ZNF749: variants seen among roughly 807,000 people sequenced by gnomAD.
ZNF749 encodes the protein zinc finger protein 749.
ZNF749 carries 8 observed loss-of-function variants against 7.3 expected under a neutral mutation model. That is an observed-to-expected ratio of 1.10 (90% CI 0.64 to 1.98). The LOEUF (loss-of-function observed/expected upper bound fraction) is 1.98, where lower values mean the gene tolerates loss of function less well. Ranked by LOEUF, ZNF749 falls within the 30% of genes most tolerant of loss-of-function variation. ZNF749 has a pLI of 0.00. For missense variants in ZNF749, 898 were observed against 932.4 expected (o/e 0.96, Z 0.48); for synonymous variants, 310 against 322.4 (o/e 0.96, Z 0.41).
At chr19:57,438,408 C>T in intron 1 of ZNF749, 2 of 263,722 alleles carry the variant, frequency 7.6e-6, no homozygotes, top group Non-Finnish European at 7.0e-6. Flanking sequence ...TGCCTTTGCT[C>T]ACTAGAAGCA....
In ZNF749 at chr19:57,444,162, C is replaced by T. The variant is rs756487522; in HGVS notation, c.1014C>T (p.Asn338=). The change falls in exon 3 of 3, where the codon AAC becomes AAT. Residue 338 remains asparagine, a synonymous_variant. Coordinates refer to ENST00000334181, the MANE Select transcript of ZNF749 (RefSeq NM_001023561.4). Reference sequence around the variant, plus strand: ...AGTGTGGGAAGTTTTTTATGTATAACTCCAAACTCATCAGACATCAGAAAG... The same window carrying T: ...AGTGTGGGAAGTTTTTTATGTATAATTCCAAACTCATCAGACATCAGAAAG... ...CNKCGKFFMY[N]SKLIRHQKVH... is the part of the protein sequence containing the mutation. 5 of 1,613,774 alleles carry T rather than the reference C, an allele frequency of 3.1e-6. No individual in the cohort carries two copies. The highest frequency in any genetic ancestry group is 1.7e-5 in the Admixed American group (1 of 59,980).
At chr19:57,435,882 C>T (rs1161211602) in intron 1 of ZNF749, among the ~76,000 whole-genome samples, 1 of 152,140 alleles carries the variant, frequency 6.6e-6, no homozygotes, top group Non-Finnish European at 1.5e-5. Flanking sequence ...GCAGTGGAGC[C>T]GCAGAGAGCC....
intron 1 of ZNF749, among the ~76,000 whole-genome samples, chr19:57,438,675 C>T (rs919394087): frequency 6.6e-6 from 1 of 152,110 alleles, no homozygotes; most frequent in African/African-American, 2.4e-5. Context: ...TACCCCAGGC[C>T]CCCACCACTT....
upstream of ZNF749, among the ~76,000 whole-genome samples, chr19:57,432,431 A>C (rs938160999): frequency 6.6e-6 from 1 of 151,428 alleles, no homozygotes; most frequent in Non-Finnish European, 1.5e-5. Context: ...GTGTGGTGGC[A>C]CGAGCCTGTA....
At chr19:57,433,535 T>C (rs1046842145), upstream of ZNF749, among the ~76,000 whole-genome samples, 1 of 152,242 alleles carries the variant, frequency 6.6e-6, no homozygotes, top group Non-Finnish European at 1.5e-5. Flanking sequence ...ATGTTGAAAA[T>C]TAGTTTAATA....
chr19:57,429,832 A>T, the ZNF749 span, among the ~76,000 whole-genome samples: 11 of 152,048 alleles, frequency 7.2e-5, no homozygotes, highest in African/African-American at 2.4e-4. This position sits in a 1 kb window ranked among gnomAD's most constrained non-coding sequence, Gnocchi z 4.2. Flanking sequence ...TTACATTCTT[A>T]TCAAAAGGCA....
In ZNF749 at chr19:57,444,472, G is replaced by A. The variant is rs772061234; in HGVS notation, c.1324G>A (p.Glu442Lys). 2.5e-6 allele frequency: 4 copies of A among 1,613,198 alleles called. No individual in the cohort carries two copies. The highest frequency in any genetic ancestry group is 2.5e-6 in the Non-Finnish European group (3 of 1,179,676). ...HTGERPYECT[E>K]CEKAFVRKSH... ...TGGAGAACGGCCTTATGAGTGCACT[G>A]AATGTGAGAAGGCCTTTGTTAGAAA... The change falls in exon 3 of 3, where the codon GAA becomes AAA. Residue 442 changes from glutamate (E) to lysine (K), a missense_variant. Coordinates refer to ENST00000334181, the MANE Select transcript of ZNF749 (RefSeq NM_001023561.4).
chr19:57,432,045 C>T (rs1387833224), upstream of ZNF749, among the ~76,000 whole-genome samples: 2 of 151,912 alleles, frequency 1.3e-5, no homozygotes, highest in Non-Finnish European at 2.9e-5. Context: ...GCTGGTCAGG[C>T]TGATCTCGAA....
rs534794443 is a variant in ZNF749 at position 57,445,902 on chromosome 19, C to T, written c.*417C>T. Among the ~76,000 whole-genome samples the T allele has an allele frequency of 7.2e-5, 11 of 152,250 alleles. No individual in the cohort carries two copies. In the South Asian group the frequency reaches 1.5e-3, roughly 20 times the overall value. On this transcript the variant is annotated 3_prime_UTR_variant, in exon 3 of 3. Coordinates refer to ENST00000334181, the MANE Select transcript of ZNF749 (RefSeq NM_001023561.4). ...CTGAGATTGTTCCATTGCACTCCAG[C>T]CTGGGTGACAGGGCGAGACTCTGTC...
upstream of ZNF749, among the ~76,000 whole-genome samples, chr19:57,432,587 T>TG (rs965211910): frequency 6.8e-4 from 72 of 105,744 alleles, no homozygotes; most frequent in East Asian, 0.02. Context: ...AAAAAAAAGG[T>TG]GGGGGGGACT....
upstream of ZNF749, among the ~76,000 whole-genome samples, chr19:57,431,877 C>T (rs1034368064): frequency 1.3e-5 from 2 of 152,054 alleles, no homozygotes; most frequent in Non-Finnish European, 2.9e-5. Flanking sequence ...GGCTGAAGTG[C>T]AATGGCGTGA....
In ZNF749 at chr19:57,442,282, G is replaced by A. The variant is rs1320588634; in HGVS notation, c.142+271G>A. The stretch of plus-strand genomic sequence containing the variant: ...GGTTTCTTTAAGATATCCTAATGGC[G>A]GTGCCTGTCCCTGGTTTGATTACTC... On this transcript the variant is annotated intron_variant, in intron 2 of 2. Transcript: ENST00000334181. This position sits in a 1 kb window ranked among gnomAD's most constrained non-coding sequence, Gnocchi z 6.6. 1.3e-5 allele frequency among the ~76,000 whole-genome samples: 2 copies of A among 152,092 alleles called. No homozygotes were observed. The highest frequency in any genetic ancestry group is 6.6e-5 in the Admixed American group (1 of 15,266).
chr19:57,444,692 A>T lies in ZNF749; in HGVS notation c.1544A>T (p.Gln515Leu), dbSNP rs936606981. The T allele has an allele frequency of 6.2e-7, 1 of 1,613,606 alleles. No individual in the cohort carries two copies. The change falls in exon 3 of 3, where the codon CAA becomes CTA. Residue 515 changes from glutamine to leucine, a missense_variant. Coordinates refer to ENST00000334181, the MANE Select transcript of ZNF749 (RefSeq NM_001023561.4). Reference protein sequence around the residue: ...HTGERPYECTQCAKAFVRKSH... With the variant: ...HTGERPYECTLCAKAFVRKSH... ...GGAGAACGGCCTTATGAATGCACTC[A>T]ATGTGCGAAGGCCTTTGTTAGAAAG...
At position 57,443,350 on chromosome 19, in the gene ZNF749, G is replaced by C. The variant is rs761689545; in HGVS notation, c.202G>C (p.Val68Leu). The change falls in exon 3 of 3, where the codon GTG becomes CTG. Residue 68 changes from valine (V) to leucine (L), a missense_variant. Coordinates refer to ENST00000334181, the MANE Select transcript of ZNF749 (RefSeq NM_001023561.4). ...VPSKQCVSVRVLQVTIPKPAL... is the reference protein window; with the variant it reads ...VPSKQCVSVRLLQVTIPKPAL... Reference sequence around the variant, plus strand: ...TTCCAAGCAGTGTGTTTCTGTAAGAGTGTTACAGGTCACAATTCCAAAGCC... The same window carrying C: ...TTCCAAGCAGTGTGTTTCTGTAAGACTGTTACAGGTCACAATTCCAAAGCC... 1.9e-6 allele frequency: 3 copies of C among 1,614,168 alleles called. No individual in the cohort carries two copies. Among genetic ancestry groups the C allele is most frequent in the Non-Finnish European group, 2.5e-6 (3 of 1,179,974 alleles).
At position 57,446,946 on chromosome 19, in the gene ZNF749, C is replaced by T. The variant is rs142479105; in HGVS notation, c.*1461C>T. 6.6e-6 allele frequency among the ~76,000 whole-genome samples: 1 copy of T among 152,168 alleles called. No homozygotes were observed. Among genetic ancestry groups the T allele is most frequent in the Non-Finnish European group, 1.5e-5 (1 of 68,026 alleles). On this transcript the variant is annotated 3_prime_UTR_variant, in exon 3 of 3. Transcript: ENST00000334181. ...AGGGCACTAACATGAACGAAGCTTG[C>T]GGGACCCCTCTGGTTGAGTCAGGGA...
Position 57,446,486 on chromosome 19 carries a change from A to G in ZNF749, c.*1001A>G, listed in dbSNP as rs2089067001. 6.6e-6 allele frequency among the ~76,000 whole-genome samples: 1 copy of G among 152,222 alleles called. No individual in the cohort carries two copies. Among genetic ancestry groups the G allele is most frequent in the Admixed American group, 6.5e-5 (1 of 15,282 alleles). ...ACAATACTACTGTATGAATTTTACT[A>G]TAAATATCTCATATGAGGAAACTTA... On this transcript the variant is annotated 3_prime_UTR_variant, in exon 3 of 3. Coordinates refer to ENST00000334181, the MANE Select transcript of ZNF749 (RefSeq NM_001023561.4).
In ZNF749 at chr19:57,444,421, G is replaced by C. The variant is rs766025880; in HGVS notation, c.1273G>C (p.Val425Leu). The change falls in exon 3 of 3, where the codon GTT becomes CTT. Residue 425 changes from valine (V) to leucine (L), a missense_variant. Coordinates refer to ENST00000334181, the MANE Select transcript of ZNF749 (RefSeq NM_001023561.4). Reference protein sequence around the residue: ...CGKAFSLKHNVVQHLKIHTGE... With the variant: ...CGKAFSLKHNLVQHLKIHTGE... ...GAAAGCCTTTAGCCTCAAACATAAT[G>C]TTGTTCAGCATCTGAAAATTCATAC... is the stretch of plus-strand genomic sequence containing the variant. 4.3e-5 allele frequency: 70 copies of C among 1,613,846 alleles called. No individual in the cohort carries two copies. Among genetic ancestry groups the C allele is most frequent in the Non-Finnish European group, 5.7e-5 (67 of 1,179,926 alleles).
upstream of ZNF749, among the ~76,000 whole-genome samples, chr19:57,434,201 G>A (rs1430352347): frequency 3.3e-5 from 5 of 152,162 alleles, no homozygotes; most frequent in African/African-American, 7.2e-5. Flanking sequence ...GGGTTCAAGC[G>A]ATTCTCCTGC....
chr19:57,434,827 A>G (rs2088918039), upstream of ZNF749, among the ~76,000 whole-genome samples: 1 of 152,208 alleles, frequency 6.6e-6, no homozygotes, highest in Non-Finnish European at 1.5e-5. Flanking sequence ...GATCAAAAAA[A>G]AGTCTCCAGA....
Sources: gnomAD v4.1 joint callset for allele counts (sites outside exome capture counted in the v4.1 genomes callset) on GRCh38, gnomAD v4.1.1 for gene constraint, Gnocchi (gnomAD v3.1) non-coding constraint, MANE v1.5 for transcripts, NCBI Gene and HGNC (gene_info 2026-07-23, HGNC 2026-07-21) for gene names.